Variants in NAALADL2 observed in about 807,000 individuals in gnomAD.
NAALADL2 encodes the protein N-acetylated alpha-linked acidic dipeptidase like 2, also known as inactive N-acetylated-alpha-linked acidic dipeptidase-like protein 2.
In NAALADL2, 76 loss-of-function variants were observed where a neutral mutation model predicts 87.2. The ratio of observed to expected loss-of-function variants is 0.87; its 90% CI spans 0.72 to 1.05. The LOEUF is 1.05. Among genes scored for constraint, NAALADL2 ranks in the 50% least tolerant of loss-of-function variants. The pLI is 0.00. For synonymous variants in NAALADL2, 354 were observed against 331.0 expected, an observed-to-expected ratio of 1.07 and a Z score of -0.75; for missense variants, 1,089 against 945.8, an observed-to-expected ratio of 1.15 and a Z score of -1.99.
rs77082409 is a variant in NAALADL2, at chr3:174,671,794, C to G, written c.-114-65847C>G. Among the ~76,000 whole-genome samples the G allele has an allele frequency of 7.7e-3, 1,179 of 152,188 alleles. 14 individuals are homozygous for G. The highest frequency in any genetic ancestry group is 0.027 in the African/African-American group (1,125 of 41,540). The stretch of plus-strand genomic sequence containing the variant: ...GCATTTCTGCTTTTGGTGCTGCAAA[C>G]TTGAAGCTCAGTGTCCACATATGTG... On this transcript the variant is annotated intron_variant, in intron 2 of 3. Transcript: ENST00000434257.
intron 2 of NAALADL2, among the ~76,000 whole-genome samples, chr3:175,158,626 C>T (rs1732680800): frequency 6.6e-6 from 1 of 152,022 alleles, no homozygotes; most frequent in Non-Finnish European, 1.5e-5. Flanking sequence ...TGATAATTTT[C>T]AGAAAGCAAA....
intron 10 of NAALADL2, among the ~76,000 whole-genome samples, chr3:175,614,452 A>T (rs1486263682): frequency 6.6e-6 from 1 of 152,228 alleles, no homozygotes; most frequent in Admixed American, 6.5e-5. Context: ...ATTATAATAC[A>T]TATTTTATGA....
At chr3:175,371,315 C>T (rs575435151) in intron 5 of NAALADL2, among the ~76,000 whole-genome samples, 2 of 151,948 alleles carry the variant, frequency 1.3e-5, no homozygotes, top group Admixed American at 6.6e-5. Context: ...TCGCCCAGGC[C>T]GGACTGCAGT....
intron 13 of NAALADL2, among the ~76,000 whole-genome samples, chr3:175,771,737 A>G (rs1749511798): frequency 6.6e-6 from 1 of 152,166 alleles, no homozygotes; most frequent in South Asian, 2.1e-4. Flanking sequence ...TAATCTCCTT[A>G]TATCAAAATC....
chr3:175,656,592 AT>A (rs137950286), intron 11 of NAALADL2, among the ~76,000 whole-genome samples: 3,903 of 152,102 alleles, frequency 0.026, 168 homozygotes, highest in African/African-American at 0.089. Context: ...TTTAGAAAGT[AT>A]TTTTTTTAAA....
intron 10 of NAALADL2, among the ~76,000 whole-genome samples, chr3:175,595,941 T>C (rs1296922819): frequency 6.6e-6 from 1 of 152,018 alleles, no homozygotes; most frequent in Non-Finnish European, 1.5e-5. Context: ...TGAGAAATCC[T>C]AAGTTATTCT....
intron 2 of NAALADL2, among the ~76,000 whole-genome samples, chr3:175,174,741 A>T (rs899906796): frequency 1.3e-5 from 2 of 150,658 alleles, no homozygotes; most frequent in African/African-American, 5.0e-5. Flanking sequence ...ATATAACCCA[A>T]GAGTTTATAT....
At chr3:175,116,287 C>A (rs983480578) in intron 2 of NAALADL2, among the ~76,000 whole-genome samples, 3 of 152,008 alleles carry the variant, frequency 2.0e-5, no homozygotes, top group Non-Finnish European at 2.9e-5. Context: ...AAGAGGAAGT[C>A]AAATTATCCC....
At chr3:174,584,050 C>T (rs1039740132) in intron 2 of NAALADL2, among the ~76,000 whole-genome samples, 2 of 151,974 alleles carry the variant, frequency 1.3e-5, no homozygotes, top group East Asian at 3.9e-4. Flanking sequence ...AGTGATAGTC[C>T]TTTATCTGAT....
intron 1 of NAALADL2, among the ~76,000 whole-genome samples, chr3:175,051,938 C>T (rs760013718): frequency 2.6e-4 from 40 of 152,266 alleles, no homozygotes; most frequent in Non-Finnish European, 4.7e-4. Context: ...GACCCTCAAC[C>T]AGTGGTGCTA....
intron 3 of NAALADL2, among the ~76,000 whole-genome samples, chr3:174,776,827 G>A (rs1016629636): frequency 2.6e-5 from 4 of 152,082 alleles, no homozygotes; most frequent in African/African-American, 7.2e-5. Context: ...CACCATGCAT[G>A]ACAAAGCTGC....
intron 1 of NAALADL2, among the ~76,000 whole-genome samples, chr3:175,062,476 C>CTGTGTGTGTGTGTGTG: frequency 7.6e-6 from 1 of 131,484 alleles, no homozygotes; most frequent in East Asian, 2.3e-4. Context: ...GGAAGTTTGG[C>CTGTGTGTGTGTGTGTG]TGTGTGTGTG....
intron 1 of NAALADL2, among the ~76,000 whole-genome samples, chr3:174,997,006 G>A (rs1016278884): frequency 7.9e-6 from 1 of 126,264 alleles, no homozygotes; most frequent in East Asian, 3.2e-4. Context: ...GTGTGTGTGT[G>A]TGTGTGTGTG....
intron 12 of NAALADL2, among the ~76,000 whole-genome samples, chr3:175,744,940 T>A (rs7648871): frequency 0.25 from 37,534 of 151,678 alleles, 5,039 homozygotes; most frequent in African/African-American, 0.35. Flanking sequence ...TTACTATTAA[T>A]TTCTCAATTG....
chr3:174,979,287 T>TTTTC (rs1744781383), intron 1 of NAALADL2, among the ~76,000 whole-genome samples: 1 of 148,418 alleles, frequency 6.7e-6, no homozygotes, highest in African/African-American at 2.5e-5. Context: ...TCTAGTATAA[T>TTTTC]TTTCTTTCTT....
At chr3:175,282,156 TAAATG>T (rs1754395252) in intron 4 of NAALADL2, among the ~76,000 whole-genome samples, 1 of 152,000 alleles carries the variant, frequency 6.6e-6, no homozygotes. Flanking sequence ...AATGAATAAA[TAAATG>T]AAAAGACTGA....
At chr3:174,961,018 C>A (rs138208669) in intron 1 of NAALADL2, among the ~76,000 whole-genome samples, 172 of 147,054 alleles carry the variant, frequency 1.2e-3, no homozygotes, top group African/African-American at 4.1e-3. Context: ...GAGTGGGCTA[C>A]AGAACAAGAC....
At chr3:174,813,662 A>AT (rs1282138604) in intron 3 of NAALADL2, among the ~76,000 whole-genome samples, 3 of 151,988 alleles carry the variant, frequency 2.0e-5, no homozygotes, top group Non-Finnish European at 2.9e-5. Flanking sequence ...CTTTTGTTTT[A>AT]TTTTTTTCAT....
At chr3:175,801,249 A>T (rs1315004214) in intron 13 of NAALADL2, among the ~76,000 whole-genome samples, 3 of 152,136 alleles carry the variant, frequency 2.0e-5, no homozygotes, top group African/African-American at 7.2e-5. Flanking sequence ...CAACATAATT[A>T]TTCCAAAATG....
Sources: allele counts gnomAD v4.1 joint callset (sites outside exome capture counted in the v4.1 genomes callset), GRCh38; gene constraint gnomAD v4.1.1; transcripts MANE v1.5; gene names NCBI Gene and HGNC (gene_info 2026-07-23, HGNC 2026-07-21).